The following ABCB1 variants were observed in gnomAD, a reference collection of about 807,000 sequenced individuals.
ABCB1 encodes ATP-dependent translocase ABCB1.
Under a neutral mutation model 142.0 loss-of-function variants are expected in ABCB1, and 69 were observed. The observed-to-expected ratio is 0.49, with a 90% CI of 0.40 to 0.59. The LOEUF is 0.59. Among genes scored for constraint, ABCB1 ranks in the 20% least tolerant of loss-of-function variants. ABCB1 has a pLI of 0.00. For missense variants in ABCB1, 1,326 were observed against 1,554.7 expected, an observed-to-expected ratio of 0.85 and a Z score of 2.47; for synonymous variants, 532 against 539.2, an observed-to-expected ratio of 0.99 and a Z score of 0.18.
chr7:87,573,551 C>T (rs1427476509), intron 4 of ABCB1, among the ~76,000 whole-genome samples: 2 of 152,096 alleles, frequency 1.3e-5, no homozygotes, highest in African/African-American at 4.8e-5. Flanking sequence ...TCTTTCTACC[C>T]CAGTTAGGTC....
At chr7:87,560,372 A>G (rs867066069) in intron 8 of ABCB1, among the ~76,000 whole-genome samples, 1 of 152,210 alleles carries the variant, frequency 6.6e-6, no homozygotes, top group Non-Finnish European at 1.5e-5. Flanking sequence ...ACATATGCAC[A>G]GTTAAAAAAA....
intron 20 of ABCB1, among the ~76,000 whole-genome samples, chr7:87,534,564 C>T (rs1816196528): frequency 6.6e-6 from 1 of 152,100 alleles, no homozygotes; most frequent in Admixed American, 6.5e-5. Context: ...ATGTCTCATA[C>T]AGAACTCTCC....
rs893860916 is a variant in ABCB1, at chr7:87,503,060, CA to C, written c.*1182del. ...TTTTATTCATCATTAAATTACAAGG[CA>C]AAAAAATGATATTTTGTTTTAATTT... On this transcript the variant is annotated 3_prime_UTR_variant, in exon 28 of 28. Transcript: ENST00000622132. 2.2e-4 allele frequency among the ~76,000 whole-genome samples: 33 copies of C among 151,750 alleles called. 1 individual carries two copies. Among genetic ancestry groups the C allele is most frequent in the Non-Finnish European group, 4.3e-4 (29 of 67,822 alleles).
In ABCB1 at chr7:87,652,642, A is replaced by ATATATATG. The variant is rs1444496488; in HGVS notation, c.-330-51565_-330-51564insCATATATA. 5.4e-5 allele frequency among the ~76,000 whole-genome samples: 8 copies of ATATATATG among 148,696 alleles called. No homozygotes were observed. In the Admixed American group the frequency reaches 5.4e-4, roughly 10 times the overall value. On this transcript the variant is annotated intron_variant, in intron 1 of 28. Coordinates refer to the ABCB1 transcript ENST00000265724. The stretch of plus-strand genomic sequence containing the variant: ...CACTGATATATATATATATATATAT[A>ATATATATG]TATAGTAGGAAGTATGAAATAATCT...
chr7:87,613,824 A>G (rs1819941990), intron 1 of ABCB1, among the ~76,000 whole-genome samples: 1 of 152,320 alleles, frequency 6.6e-6, no homozygotes, highest in African/African-American at 2.4e-5. Context: ...AAACCTGCAC[A>G]TATACCTTCT....
intron 2 of ABCB1, 98 bp downstream of exon 2, chr7:87,600,019 A>C: frequency 8.2e-7 from 1 of 1,219,736 alleles, no homozygotes; most frequent in Middle Eastern, 2.3e-4. Context: ...AAATAATTAA[A>C]AACAACAACA....
At chr7:87,626,218 A>ATG (rs1202722812) in intron 1 of ABCB1, among the ~76,000 whole-genome samples, 1 of 98,700 alleles carries the variant, frequency 1.0e-5, no homozygotes, top group Non-Finnish European at 2.0e-5. Flanking sequence ...TATGTGTCAT[A>ATG]TATATGTCAT....
chr7:87,525,949 G>A (rs1815762998), intron 21 of ABCB1, among the ~76,000 whole-genome samples: 1 of 152,164 alleles, frequency 6.6e-6, no homozygotes, highest in Non-Finnish European at 1.5e-5. Flanking sequence ...CATAAAAGAA[G>A]TTAAAAGCAG....
intron 1 of ABCB1, among the ~76,000 whole-genome samples, chr7:87,691,892 C>G (rs986073194): frequency 6.6e-6 from 1 of 152,134 alleles, no homozygotes; most frequent in African/African-American, 2.4e-5. Context: ...GTCTCTGGGC[C>G]TACCTTTTCT....
At chr7:87,576,648 T>G (rs1818284618) in intron 4 of ABCB1, among the ~76,000 whole-genome samples, 1 of 151,732 alleles carries the variant, frequency 6.6e-6, no homozygotes, top group African/African-American at 2.4e-5. Context: ...TTCTTTCTAC[T>G]TTTCTCCATA....
intron 20 of ABCB1, among the ~76,000 whole-genome samples, chr7:87,533,025 A>G (rs10236274): frequency 0.1 from 15,668 of 152,136 alleles, 1,397 homozygotes; most frequent in East Asian, 0.38. Context: ...GAGCTGCACC[A>G]GGGCTGAAAG....
At chr7:87,523,365 T>C (rs955721156) in intron 21 of ABCB1, among the ~76,000 whole-genome samples, 5 of 152,186 alleles carry the variant, frequency 3.3e-5, no homozygotes, top group African/African-American at 1.2e-4. Flanking sequence ...TGGTGGCTCA[T>C]GCCTGTAATC....
At chr7:87,623,768 A>G (rs1403940957) in intron 1 of ABCB1, among the ~76,000 whole-genome samples, 1 of 150,314 alleles carries the variant, frequency 6.7e-6, no homozygotes, top group Non-Finnish European at 1.5e-5. Flanking sequence ...TCTCTCTTGC[A>G]TTACTAACCT....
chr7:87,583,325 G>T (rs905146527), intron 4 of ABCB1, among the ~76,000 whole-genome samples: 8 of 152,124 alleles, frequency 5.3e-5, no homozygotes, highest in Non-Finnish European at 1.2e-4. Context: ...TTAAAAATTG[G>T]TAAGGGTGTG....
chr7:87,580,812 C>A (rs1818474193), intron 4 of ABCB1, among the ~76,000 whole-genome samples: 1 of 151,836 alleles, frequency 6.6e-6, no homozygotes. Context: ...CTTCCTTCTG[C>A]TTGATCAATT....
At position 87,521,909 on chromosome 7, in the gene ABCB1, T is replaced by C. The variant is rs1584843036; in HGVS notation, c.2686-1033A>G. The C allele has an allele frequency of 6.4e-6, 5 of 775,384 alleles. No individual in the cohort carries two copies. The East Asian group carries it at 7.3e-5, about 11-fold the overall frequency. The allele number at this position is 775,384 out of a possible 1,614,324, so 48.0% of individuals were successfully genotyped here. A position where few individuals can be genotyped will look rare whatever the true frequency, so the allele number is the denominator to read the frequency against. ...AGTGATAAGAAAAGGGGCTTTGCTT[T>C]AGTAACTTTTGACGACCATGACTCC... On this transcript the variant is annotated intron_variant, in intron 21 of 27. Coordinates refer to ENST00000622132, the MANE Select transcript of ABCB1 (RefSeq NM_001348946.2).
chr7:87,587,531 AG>A (rs1818808109), intron 3 of ABCB1, among the ~76,000 whole-genome samples: 1 of 152,170 alleles, frequency 6.6e-6, no homozygotes, highest in Admixed American at 6.5e-5. Context: ...CTTTGTGAAA[AG>A]GCTTCATATG....
At chr7:87,539,737 G>A (rs1455986896) in intron 18 of ABCB1, among the ~76,000 whole-genome samples, 2 of 152,104 alleles carry the variant, frequency 1.3e-5, no homozygotes, top group African/African-American at 2.4e-5. Context: ...TAGGCATTTT[G>A]CTATCTCTAG....
intron 15 of ABCB1, among the ~76,000 whole-genome samples, 196 bp downstream of exon 15, chr7:87,545,667 A>G (rs1435742772): frequency 6.6e-6 from 1 of 152,172 alleles, no homozygotes; most frequent in African/African-American, 2.4e-5. Context: ...TAATTTTTTT[A>G]TCTGTTTATC....
Sources: allele counts gnomAD v4.1 joint callset (sites outside exome capture counted in the v4.1 genomes callset), GRCh38; gene constraint gnomAD v4.1.1; transcripts MANE v1.5; gene names NCBI Gene and HGNC (gene_info 2026-07-23, HGNC 2026-07-21).